PEPD: variants seen among roughly 807,000 people sequenced by gnomAD.
PEPD encodes the protein peptidase D.
PEPD carries 53 observed loss-of-function variants against 60.7 expected under a neutral mutation model. The ratio of observed to expected loss-of-function variants is 0.87; its 90% confidence interval spans 0.70 to 1.10. The LOEUF is 1.10. PEPD is among the 50% of genes least tolerant of loss of function. PEPD has a pLI of 0.00. For missense variants in PEPD, 711 were observed against 711.9 expected (o/e 1.00, Z 0.01); for synonymous variants, 267 against 284.1 (o/e 0.94, Z 0.60).
chr19:33,475,884 A>G (rs1970205136), intron 7 of PEPD, among the ~76,000 whole-genome samples: 1 of 152,112 alleles, frequency 6.6e-6, no homozygotes, highest in Non-Finnish European at 1.5e-5. Flanking sequence ...TTTTGAGACA[A>G]GGTCTCGCTC....
At chr19:33,514,894 T>A (rs1314856965) in intron 1 of PEPD, among the ~76,000 whole-genome samples, 1 of 152,044 alleles carries the variant, frequency 6.6e-6, no homozygotes, top group Non-Finnish European at 1.5e-5. Context: ...CCCTTAACGT[T>A]CGCACAGCTC....
rs1971142804 is a variant in PEPD at position 33,521,738 on chromosome 19, A to G, written c.17+6T>C. 6.3e-7 allele frequency: 1 copy of G among 1,579,326 alleles called. No homozygotes were observed. Among genetic ancestry groups the G allele is most frequent in the Non-Finnish European group, 8.6e-7 (1 of 1,168,156 alleles). On this transcript the variant is annotated splice_donor_region_variant and intron_variant, in intron 1 of 14. Transcript: ENST00000244137. ...CGGGAAAGAGCGAGGGAGGCGCAGC[A>G]CTCACCCGGTGGCCGCCGCCATGTT... is the stretch of plus-strand genomic sequence containing the variant.
chr19:33,483,004 C>T (rs1027316670), intron 6 of PEPD, among the ~76,000 whole-genome samples: 2 of 152,018 alleles, frequency 1.3e-5, no homozygotes, highest in East Asian at 3.9e-4. Context: ...ATAATGGTCA[C>T]GTGCTGGAAG....
At chr19:33,446,615 C>T (rs1969599017) in intron 9 of PEPD, among the ~76,000 whole-genome samples, 1 of 152,214 alleles carries the variant, frequency 6.6e-6, no homozygotes, top group Admixed American at 6.5e-5. Flanking sequence ...AGTGAGGGGT[C>T]CCCTGTTTGC....
rs1353643091 is a variant in PEPD at position 33,393,276 on chromosome 19, T to C, written c.968-1797A>G. ...CTGGCGTGGGGGAGGGCCCGGGGTC[T>C]GGGGTCTGGCGTGGGGGAGAGCCCG... On this transcript the variant is annotated intron_variant, in intron 12 of 14. Coordinates refer to ENST00000244137, the MANE Select transcript of PEPD (RefSeq NM_000285.4). Among the ~76,000 whole-genome samples the C allele has an allele frequency of 2.8e-5, 4 of 141,590 alleles. No individual in the cohort carries two copies. In the South Asian group the frequency reaches 9.1e-4, roughly 32 times the overall value. The allele number at this position is 141,590 out of a possible 152,430, so 92.9% of individuals were successfully genotyped here.
At chr19:33,412,855 C>T (rs1047947575) in intron 10 of PEPD, among the ~76,000 whole-genome samples, 6 of 152,300 alleles carry the variant, frequency 3.9e-5, no homozygotes, top group Non-Finnish European at 7.4e-5. Context: ...GCGCAGGAGA[C>T]GAGGGGGCCA....
At chr19:33,454,456 G>A (rs1392812819) in intron 9 of PEPD, among the ~76,000 whole-genome samples, 1 of 151,984 alleles carries the variant, frequency 6.6e-6, no homozygotes, top group East Asian at 1.9e-4. Flanking sequence ...ACAAAAATTA[G>A]CTGGGCATGG....
At chr19:33,441,581 C>T (rs1969481140) in intron 9 of PEPD, among the ~76,000 whole-genome samples, 1 of 152,224 alleles carries the variant, frequency 6.6e-6, no homozygotes, top group Non-Finnish European at 1.5e-5. Context: ...AGGAGGCAGC[C>T]CTGTTCCTTC....
At chr19:33,458,142 TGTG>T (rs1423745657) in intron 9 of PEPD, among the ~76,000 whole-genome samples, 2 of 150,728 alleles carry the variant, frequency 1.3e-5, no homozygotes, top group Non-Finnish European at 3.0e-5. Context: ...GTATGTATGG[TGTG>T]GTGTGTGCAT....
chr19:33,496,975 A>C (rs969868463), intron 4 of PEPD, among the ~76,000 whole-genome samples: 1 of 152,286 alleles, frequency 6.6e-6, no homozygotes, highest in African/African-American at 2.4e-5. Flanking sequence ...AAGGCTCCAG[A>C]GAGCTGGCTC....
chr19:33,434,667 A>G (rs1457615132), intron 9 of PEPD, among the ~76,000 whole-genome samples: 1 of 151,978 alleles, frequency 6.6e-6, no homozygotes, highest in African/African-American at 2.4e-5. Context: ...TGAATGAGGA[A>G]AGGGCAGTAA....
At chr19:33,464,604 A>G (rs906140600) in intron 7 of PEPD, among the ~76,000 whole-genome samples, 1 of 152,202 alleles carries the variant, frequency 6.6e-6, no homozygotes, top group Non-Finnish European at 1.5e-5. Context: ...ATGTGGAAAC[A>G]GCTGGACAGC....
Position 33,419,602 on chromosome 19 carries a change from G to A in PEPD, c.672-5959C>T, listed in dbSNP as rs114613064. Among the ~76,000 whole-genome samples, 259 of 152,336 alleles carry A rather than the reference G, an allele frequency of 1.7e-3. 1 individual carries two copies. The highest frequency in any genetic ancestry group is 6.1e-3 in the African/African-American group (253 of 41,576). The stretch of plus-strand genomic sequence containing the variant: ...GACCCGGATGCCTCTGAAACCTCAG[G>A]TCTGTCAGTAGGTGGGGGCTGGAAC... On this transcript the variant is annotated intron_variant, in intron 9 of 14. Coordinates refer to ENST00000244137, the MANE Select transcript of PEPD (RefSeq NM_000285.4).
At chr19:33,437,586 T>G (rs1437673351) in intron 9 of PEPD, among the ~76,000 whole-genome samples, 2 of 152,116 alleles carry the variant, frequency 1.3e-5, no homozygotes, top group Non-Finnish European at 2.9e-5. Context: ...TGCTAAAATT[T>G]TAGACTGTGG....
At chr19:33,411,621 A>G in intron 11 of PEPD, 51 bp downstream of exon 11, 1 of 1,047,616 alleles carries the variant, frequency 9.5e-7, no homozygotes, top group Non-Finnish European at 1.5e-6. Flanking sequence ...GTTGAGTCCA[A>G]CCTTGGCCTG....
At chr19:33,478,492 G>C (rs1970262082) in intron 6 of PEPD, among the ~76,000 whole-genome samples, 1 of 152,070 alleles carries the variant, frequency 6.6e-6, no homozygotes, top group Non-Finnish European at 1.5e-5. Flanking sequence ...ACTCCAAGTA[G>C]GATAAATTCA....
At chr19:33,468,532 C>A (rs1429729919) in intron 7 of PEPD, among the ~76,000 whole-genome samples, 1 of 152,190 alleles carries the variant, frequency 6.6e-6, no homozygotes, top group Non-Finnish European at 1.5e-5. Flanking sequence ...GGCGGGAATG[C>A]GAGGGGCCTG....
At chr19:33,466,834 G>A (rs1435962308) in intron 7 of PEPD, among the ~76,000 whole-genome samples, 2 of 151,838 alleles carry the variant, frequency 1.3e-5, no homozygotes, top group African/African-American at 2.4e-5. Flanking sequence ...AAAATATGGA[G>A]TGATTTTGTA....
chr19:33,484,791 TATACTC>T (rs2145308081), intron 6 of PEPD, among the ~76,000 whole-genome samples: 1 of 151,852 alleles, frequency 6.6e-6, no homozygotes, highest in South Asian at 2.1e-4. Context: ...GACACAAAAA[TATACTC>T]AGAGAAACAC....
Sources: gnomAD v4.1 joint callset for allele counts (sites outside exome capture counted in the v4.1 genomes callset) on GRCh38, gnomAD v4.1.1 for gene constraint, MANE v1.5 for transcripts, NCBI Gene and HGNC (gene_info 2026-07-23, HGNC 2026-07-21) for gene names.